STARD4: variants seen among roughly 807,000 people sequenced by gnomAD.
STARD4 encodes StAR related lipid transfer domain containing 4.
STARD4 carries 33 observed loss-of-function variants against 24.9 expected under a neutral mutation model. That is an observed-to-expected ratio of 1.32 (90% CI 1.00 to 1.77). STARD4 has a LOEUF of 1.77. Ranked by LOEUF, STARD4 falls within the 40% of genes most tolerant of loss-of-function variation. STARD4 has a pLI of 0.00. For missense variants in STARD4, 238 were observed against 249.3 expected, an observed-to-expected ratio of 0.95 and a Z score of 0.31; for synonymous variants, 88 against 77.4, an observed-to-expected ratio of 1.14 and a Z score of -0.72.
At chr5:111,502,451 G>A (rs1016788662) in intron 3 of STARD4, among the ~76,000 whole-genome samples, 82 of 149,744 alleles carry the variant, frequency 5.5e-4, no homozygotes, top group Non-Finnish European at 1.5e-4. Context: ...CCTAGGTGAC[G>A]GAGTGAGATT....
chr5:111,508,608 C>G (rs1757029427), intron 1 of STARD4, among the ~76,000 whole-genome samples: 1 of 152,146 alleles, frequency 6.6e-6, no homozygotes, highest in South Asian at 2.1e-4. Context: ...AAATCACCCT[C>G]TATGGGAATA....
At chr5:111,511,027 T>C (rs1340227343) in intron 1 of STARD4, among the ~76,000 whole-genome samples, 2 of 152,206 alleles carry the variant, frequency 1.3e-5, no homozygotes, top group Non-Finnish European at 2.9e-5. Flanking sequence ...GCCATGGACT[T>C]TCCCCAATGT....
intron 2 of STARD4, 48 bp from the exon 3 acceptor site, chr5:111,506,427 C>G (rs899859005): frequency 2.2e-6 from 2 of 910,942 alleles, no homozygotes; most frequent in Non-Finnish European, 3.4e-6. Flanking sequence ...AGGTGGAACC[C>G]TAGACACAAA....
intron 3 of STARD4, 84 bp downstream of exon 3, chr5:111,506,246 T>G (rs1756853355): frequency 9.9e-6 from 5 of 506,334 alleles, no homozygotes; most frequent in Non-Finnish European, 1.7e-5. Flanking sequence ...AAGCTAAATC[T>G]TACTAGCAAT....
chr5:111,502,342 G>A (rs1235990554), intron 3 of STARD4, among the ~76,000 whole-genome samples: 1 of 152,006 alleles, frequency 6.6e-6, no homozygotes, highest in African/African-American at 2.4e-5. Flanking sequence ...GGTGGCATGC[G>A]CCTGTAGTCC....
rs571056826 is a variant in STARD4 at position 111,511,801 on chromosome 5, G to C, written c.-10+584C>G. Among the ~76,000 whole-genome samples the C allele has an allele frequency of 5.9e-5, 9 of 152,310 alleles. No individual in the cohort carries two copies. In the South Asian group the frequency reaches 1.9e-3, roughly 32 times the overall value. ...CTGGCTGCTGAACCTAAAAATCTAA[G>C]GTAATCTTTCTCAAGTGTAAATTCG... is the stretch of plus-strand genomic sequence containing the variant. On this transcript the variant is annotated intron_variant, in intron 1 of 5. Coordinates refer to ENST00000296632, the MANE Select transcript of STARD4 (RefSeq NM_139164.3).
intron 4 of STARD4, 44 bp from the exon 5 acceptor site, chr5:111,501,160 A>G (rs1340482815): frequency 1.2e-5 from 18 of 1,537,420 alleles, no homozygotes; most frequent in Non-Finnish European, 1.5e-5. Context: ...TATAGGAAAC[A>G]TACATAGCTT....
intron 3 of STARD4, 118 bp from the exon 4 acceptor site, chr5:111,502,206 T>C (rs1756507565): frequency 5.0e-6 from 6 of 1,193,372 alleles, no homozygotes; most frequent in Non-Finnish European, 6.9e-6. Context: ...GGGTGGCTCA[T>C]GTCTGTAATC....
chr5:111,502,511 G>C (rs547791742), intron 3 of STARD4, among the ~76,000 whole-genome samples: 3 of 150,694 alleles, frequency 2.0e-5, no homozygotes, highest in Admixed American at 6.6e-5. Flanking sequence ...AGTGAAGGGT[G>C]GGCCAGGCAT....
chr5:111,499,793 G>A lies in STARD4; in HGVS notation c.*93C>T, dbSNP rs1161304833. The A allele has an allele frequency of 1.5e-5, 18 of 1,175,200 alleles. No homozygotes were observed. The highest frequency in any genetic ancestry group is 8.9e-5 in the South Asian group (6 of 67,448). The allele number at this position is 1,175,200 out of a possible 1,614,324, so 72.8% of individuals were successfully genotyped here. ...CAAAAACATTTCAAATTTTTCTACC[G>A]GCTATGCAGAAAAGTGGAATCAATG... On this transcript the variant is annotated 3_prime_UTR_variant, in exon 6 of 6. Transcript: ENST00000296632.
intron 3 of STARD4, chr5:111,505,002 C>T (rs1439053317): frequency 2.2e-6 from 1 of 455,042 alleles, no homozygotes; most frequent in Non-Finnish European, 4.4e-6. Flanking sequence ...CAACTCAACA[C>T]ATCAGGTCCT....
chr5:111,499,702 G>T lies in STARD4; in HGVS notation c.*184C>A. ...TGTCTCAAAATTTAAAAAAAAAAAAGTGAAAATGCCCTCTCTTAGATAGCT... is the reference window on the plus strand; with the variant it reads ...TGTCTCAAAATTTAAAAAAAAAAAATTGAAAATGCCCTCTCTTAGATAGCT... On this transcript the variant is annotated 3_prime_UTR_variant, in exon 6 of 6. Transcript: ENST00000296632. The T allele has an allele frequency of 1.7e-6, 1 of 574,812 alleles. No individual in the cohort carries two copies. Among genetic ancestry groups the T allele is most frequent in the Non-Finnish European group, 3.0e-6 (1 of 331,910 alleles). The allele number at this position is 574,812 out of a possible 1,614,324, so 35.6% of individuals were successfully genotyped here. A position where few individuals can be genotyped will look rare whatever the true frequency, so the allele number is the denominator to read the frequency against.
rs1328747352 is a variant in STARD4 at position 111,507,644 on chromosome 5, C to T, written c.-9-202G>A. On this transcript the variant is annotated intron_variant, in intron 1 of 5. Coordinates refer to ENST00000296632, the MANE Select transcript of STARD4 (RefSeq NM_139164.3). This position sits in a 1 kb window ranked among gnomAD's most constrained non-coding sequence, Gnocchi z 4.4. ...CTAATTGCTCCCAAGATGAATAACC[C>T]ATAGCCAGAGGTGAGAATTACATAT... Among the ~76,000 whole-genome samples, 4 of 152,158 alleles carry T rather than the reference C, an allele frequency of 2.6e-5. No individual in the cohort carries two copies. Among genetic ancestry groups the T allele is most frequent in the African/African-American group, 9.7e-5 (4 of 41,444 alleles).
At position 111,499,612 on chromosome 5, in the gene STARD4, G is replaced by C; in HGVS notation, c.*274C>G. ...GGTAGAATAACCCCTTGAGCGGTCAGATCAAAGCTGCAGTGAGCTGTGATC... is the reference window on the plus strand; with the variant it reads ...GGTAGAATAACCCCTTGAGCGGTCACATCAAAGCTGCAGTGAGCTGTGATC... On this transcript the variant is annotated 3_prime_UTR_variant, in exon 6 of 6. Coordinates refer to ENST00000296632, the MANE Select transcript of STARD4 (RefSeq NM_139164.3). 2.5e-6 allele frequency: 1 copy of C among 406,716 alleles called. No individual in the cohort carries two copies. Among genetic ancestry groups the C allele is most frequent in the South Asian group, 3.1e-5 (1 of 32,520 alleles). 25.2% of individuals were successfully genotyped at this position (406,716 alleles called of 1,614,324 possible).
intron 1 of STARD4, 71 bp downstream of exon 1, chr5:111,512,314 C>T (rs2112587332): frequency 6.6e-6 from 1 of 152,594 alleles, no homozygotes; most frequent in African/African-American, 2.4e-5. Flanking sequence ...CCTGGCAGGA[C>T]GCCCCGGGCG....
chr5:111,503,293 C>T (rs1292834562), intron 3 of STARD4, among the ~76,000 whole-genome samples: 1 of 152,062 alleles, frequency 6.6e-6, no homozygotes, highest in Non-Finnish European at 1.5e-5. Context: ...CTATTTCTAC[C>T]ACTCATAATA....
In STARD4 at chr5:111,511,452, G is replaced by A. The variant is rs532206389; in HGVS notation, c.-10+933C>T. On this transcript the variant is annotated intron_variant, in intron 1 of 5. Transcript: ENST00000296632. ...CCTTGAGAAAATGTGTTTCATTATG[G>A]TAAAGGAATTTTAGTTATTCAGAAG... is the stretch of plus-strand genomic sequence containing the variant. 2.4e-4 allele frequency among the ~76,000 whole-genome samples: 37 copies of A among 152,288 alleles called. 1 individual carries two copies. Among genetic ancestry groups the A allele is most frequent in the African/African-American group, 8.9e-4 (37 of 41,560 alleles).
At chr5:111,510,024 C>A (rs1304548567) in intron 1 of STARD4, among the ~76,000 whole-genome samples, 2 of 152,056 alleles carry the variant, frequency 1.3e-5, no homozygotes, top group Admixed American at 6.6e-5. Context: ...TTAAAAAATT[C>A]TATTAATAGC....
intron 3 of STARD4, 123 bp downstream of exon 3, chr5:111,506,207 A>T: frequency 3.0e-6 from 1 of 331,676 alleles, no homozygotes; most frequent in Non-Finnish European, 5.6e-6. Flanking sequence ...AAAAAAAAAA[A>T]AAAAAAAAAA....
Sources: gnomAD v4.1 joint callset for allele counts (sites outside exome capture counted in the v4.1 genomes callset) on GRCh38, gnomAD v4.1.1 for gene constraint, Gnocchi (gnomAD v3.1) non-coding constraint, MANE v1.5 for transcripts, NCBI Gene and HGNC (gene_info 2026-07-23, HGNC 2026-07-21) for gene names.